The following ZNF532 variants were observed in gnomAD, a reference collection of about 807,000 sequenced individuals.
The protein encoded by ZNF532 is zinc finger protein 532.
ZNF532 carries 22 observed loss-of-function variants against 89.3 expected under a neutral mutation model. That is an observed-to-expected ratio of 0.25 (90% CI 0.18 to 0.35). The LOEUF is 0.35. Among genes scored for constraint, ZNF532 ranks in the 10% least tolerant of loss-of-function variants. ZNF532 has a pLI of 1.00. For synonymous variants in ZNF532, 606 were observed against 649.6 expected, an observed-to-expected ratio of 0.93 and a Z score of 1.02; for missense variants, 1,132 against 1,643.4, an observed-to-expected ratio of 0.69 and a Z score of 5.38.
At chr18:58,871,946 T>C (rs1268713532) in intron 2 of ZNF532, among the ~76,000 whole-genome samples, 1 of 152,228 alleles carries the variant, frequency 6.6e-6, no homozygotes, top group Admixed American at 6.5e-5. Context: ...AAATTGAAAG[T>C]GGTGCCGAGA....
rs530110425 is a variant in ZNF532 at position 58,885,674 on chromosome 18, G to T, written c.-18+20095G>T. ...GATTGAGAGCAGCCTGGCCAACATG[G>T]TGAAACTCCGTTTCTACAAAAACAC... On this transcript the variant is annotated intron_variant, in intron 2 of 9. Coordinates refer to ENST00000591808, the MANE Select transcript of ZNF532 (RefSeq NM_001375912.1). Among the ~76,000 whole-genome samples, 38 of 152,096 alleles carry T rather than the reference G, an allele frequency of 2.5e-4. No homozygotes were observed. In the South Asian group the frequency reaches 6.9e-3, roughly 27 times the overall value.
rs1177040870 is a variant in ZNF532, at chr18:58,865,162, TG to T, written c.-347del. The stretch of plus-strand genomic sequence containing the variant: ...GAGAAAAAAATGTGCCTTGCTAGGG[TG>T]GGGACACTTGGTTGATGCAGTCTCT... On this transcript the variant is annotated 5_prime_UTR_variant, in exon 1 of 10. The change abolishes the stop of an existing upstream ORF in the 5' untranslated region. Transcript: ENST00000591808. 1 of 151,786 alleles carries T rather than the reference TG, an allele frequency of 6.6e-6. No individual in the cohort carries two copies. The highest frequency in any genetic ancestry group is 1.5e-5 in the Non-Finnish European group (1 of 67,930). The allele number at this position is 151,786 out of a possible 1,614,324, so 9.4% of individuals were successfully genotyped here.
In ZNF532 at chr18:58,979,047, T is replaced by C. The variant is rs2067391814; in HGVS notation, c.3151-8T>C. 2.5e-6 allele frequency: 4 copies of C among 1,604,534 alleles called. No homozygotes were observed. The African/African-American group carries it at 5.3e-5, about 21-fold the overall frequency. On this transcript the variant is annotated splice_polypyrimidine_tract_variant and splice_region_variant and intron_variant, in intron 7 of 9. Coordinates refer to ENST00000591808, the MANE Select transcript of ZNF532 (RefSeq NM_001375912.1). The stretch of plus-strand genomic sequence containing the variant: ...TTCCCTTAAGTGAACTTTCTCTCCT[T>C]CCTCCAGCAAATGAAGAAACACCCC...
chr18:58,872,807 C>T (rs1204769095), intron 2 of ZNF532, among the ~76,000 whole-genome samples: 1 of 151,856 alleles, frequency 6.6e-6, no homozygotes, highest in Admixed American at 6.6e-5. Context: ...TCAAGCGATC[C>T]TCCTGCCTCA....
chr18:58,881,655 A>G (rs1471985049), intron 2 of ZNF532, among the ~76,000 whole-genome samples: 1 of 152,142 alleles, frequency 6.6e-6, no homozygotes, highest in Non-Finnish European at 1.5e-5. Flanking sequence ...AATCACCTAC[A>G]GTGTCCTGTG....
At chr18:58,881,568 A>T (rs1369863342) in intron 2 of ZNF532, among the ~76,000 whole-genome samples, 1 of 152,220 alleles carries the variant, frequency 6.6e-6, no homozygotes, top group Non-Finnish European at 1.5e-5. Context: ...ATGGAAGTTA[A>T]GTCACTTGGT....
At chr18:58,950,409 C>T (rs185505979) in intron 6 of ZNF532, among the ~76,000 whole-genome samples, 6 of 152,012 alleles carry the variant, frequency 3.9e-5, no homozygotes, top group East Asian at 3.9e-4. Context: ...ATGTTCTATG[C>T]GTTTAAAAAT....
At chr18:58,942,311 C>A (rs374010350) in intron 5 of ZNF532, among the ~76,000 whole-genome samples, 13,797 of 125,464 alleles carry the variant, frequency 0.11, 1,398 homozygotes, top group East Asian at 0.45. Context: ...CGTGAGCCAC[C>A]GCGCCTGGCC....
intron 6 of ZNF532, among the ~76,000 whole-genome samples, chr18:58,950,418 ATAT>A (rs1420859114): frequency 1.3e-5 from 2 of 152,128 alleles, no homozygotes; most frequent in African/African-American, 2.4e-5. Flanking sequence ...GCGTTTAAAA[ATAT>A]TATCCTGCAT....
At chr18:58,895,861 T>C (rs574208259) in intron 2 of ZNF532, among the ~76,000 whole-genome samples, 94 of 151,978 alleles carry the variant, frequency 6.2e-4, no homozygotes, top group Middle Eastern at 6.8e-3. Flanking sequence ...TTCTTTCTTT[T>C]TTTTTTTTTG....
intron 3 of ZNF532, among the ~76,000 whole-genome samples, chr18:58,924,101 C>T (rs2061344484): frequency 6.6e-6 from 1 of 152,256 alleles, no homozygotes. Flanking sequence ...AAGTGATCCA[C>T]CCGCCTTGGC....
intron 2 of ZNF532, among the ~76,000 whole-genome samples, chr18:58,887,880 C>T (rs2058414208): frequency 1.3e-5 from 2 of 152,302 alleles, no homozygotes; most frequent in African/African-American, 4.8e-5. Context: ...TTTATCCCTG[C>T]GTCCCCCGGG....
At chr18:58,912,728 A>G (rs1297616916) in intron 2 of ZNF532, among the ~76,000 whole-genome samples, 1 of 152,218 alleles carries the variant, frequency 6.6e-6, no homozygotes, top group Non-Finnish European at 1.5e-5. Flanking sequence ...GCAAGTAATT[A>G]AGAGATTCCA....
At chr18:58,899,900 T>G (rs943101677) in intron 2 of ZNF532, among the ~76,000 whole-genome samples, 7 of 152,274 alleles carry the variant, frequency 4.6e-5, no homozygotes, top group African/African-American at 1.7e-4. Flanking sequence ...TTGACTCTGT[T>G]GTTTCACCTA....
chr18:58,951,861 G>A (rs2064229928), intron 6 of ZNF532, among the ~76,000 whole-genome samples: 1 of 152,002 alleles, frequency 6.6e-6, no homozygotes, highest in Admixed American at 6.5e-5. Flanking sequence ...GTGTTAGCCA[G>A]GTTGGTCTCG....
At chr18:58,890,008 G>A (rs2058768569) in intron 2 of ZNF532, among the ~76,000 whole-genome samples, 2 of 150,660 alleles carry the variant, frequency 1.3e-5, no homozygotes, top group African/African-American at 2.4e-5. Context: ...GTTTGAACCC[G>A]GGAGGTGGAG....
chr18:58,963,558 G>A (rs539760691), intron 7 of ZNF532, among the ~76,000 whole-genome samples: 4 of 151,712 alleles, frequency 2.6e-5, no homozygotes, highest in African/African-American at 9.7e-5. Context: ...ATTGACTGAG[G>A]AGCTTTACAG....
At chr18:58,982,758 A>ATAAG (rs1318724896) in intron 9 of ZNF532, among the ~76,000 whole-genome samples, 3 of 152,206 alleles carry the variant, frequency 2.0e-5, no homozygotes, top group African/African-American at 7.2e-5. Context: ...TCCTCAGAAT[A>ATAAG]TAAGTCAGAC....
chr18:58,952,895 A>G (rs2064358984), intron 6 of ZNF532, among the ~76,000 whole-genome samples: 2 of 152,328 alleles, frequency 1.3e-5, no homozygotes, highest in South Asian at 4.1e-4. Context: ...AGACATGAGT[A>G]TCTAATGTGT....
Sources: gnomAD v4.1 joint callset for allele counts (sites outside exome capture counted in the v4.1 genomes callset) on GRCh38, gnomAD v4.1.1 for gene constraint, MANE v1.5 for transcripts, NCBI Gene and HGNC (gene_info 2026-07-23, HGNC 2026-07-21) for gene names.